The following CR1L variants were observed in gnomAD, a reference collection of about 807,000 sequenced individuals.
CR1L encodes complement C3b/C4b receptor 1 like, also known as complement component receptor 1-like protein.
In CR1L, 59 loss-of-function variants were observed where a neutral mutation model predicts 62.3. The ratio of observed to expected loss-of-function variants is 0.95; its 90% confidence interval spans 0.77 to 1.18. The LOEUF (loss-of-function observed/expected upper bound fraction) is 1.18, where lower values mean the gene tolerates loss of function less well. Ranked by LOEUF, CR1L falls within the 50% of genes most tolerant of loss-of-function variation. CR1L has a pLI of 0.00. For missense variants in CR1L, 700 were observed against 702.8 expected, an observed-to-expected ratio of 1.00 and a Z score of 0.04; for synonymous variants, 279 against 248.7, an observed-to-expected ratio of 1.12 and a Z score of -1.15.
intron 1 of CR1L, among the ~76,000 whole-genome samples, chr1:207,660,293 A>G (rs952683494): frequency 3.3e-5 from 5 of 152,222 alleles, no homozygotes; most frequent in African/African-American, 1.2e-4. Context: ...CACCTCACAC[A>G]GGTGGGTGCC....
chr1:207,649,896 G>A (rs931890189), intron 1 of CR1L, among the ~76,000 whole-genome samples: 8 of 152,180 alleles, frequency 5.3e-5, no homozygotes, highest in Admixed American at 4.6e-4. Context: ...GACCTATTTA[G>A]TTATGTCGTG....
rs568893098 is a variant in CR1L, at chr1:207,661,400, G to T, written c.98-15989G>T. Among the ~76,000 whole-genome samples, 4 of 152,216 alleles carry T rather than the reference G, an allele frequency of 2.6e-5. No individual in the cohort carries two copies. The East Asian group carries it at 7.7e-4, about 29-fold the overall frequency. On this transcript the variant is annotated intron_variant, in intron 1 of 11. Transcript: ENST00000508064. ...ATTGATCCCTTTATCATTATGTAAT[G>T]GTCTTCTTTGTCTCTTTTGTTCTTT...
rs538389180 is a variant in CR1L, at chr1:207,663,300, G to C, written c.98-14089G>C. ...AGCTGTGATGGGCTCCACCCAGTTCGAGCTTCCCGCAGCTTTGTTTACCTA... is the reference window on the plus strand; with the variant it reads ...AGCTGTGATGGGCTCCACCCAGTTCCAGCTTCCCGCAGCTTTGTTTACCTA... On this transcript the variant is annotated intron_variant, in intron 1 of 11. Coordinates refer to ENST00000508064, the MANE Select transcript of CR1L (RefSeq NM_175710.2). Among the ~76,000 whole-genome samples the C allele has an allele frequency of 7.3e-4, 111 of 152,320 alleles. 1 individual carries two copies. Among genetic ancestry groups the C allele is most frequent in the Admixed American group, 3.1e-3 (48 of 15,308 alleles).
rs769932758 is a variant in CR1L, at chr1:207,694,356, T to A, written c.467T>A (p.Ile156Asn). The change falls in exon 5 of 12, where the codon ATT (isoleucine) becomes AAT (asparagine). Residue 156 changes from isoleucine (I) to asparagine (N), a missense_variant. Ile to Asn is a moderately radical substitution (Grantham distance 149). Coordinates refer to ENST00000508064, the MANE Select transcript of CR1L (RefSeq NM_175710.2). ...WDNKTPVCDR[I>N]ICGLPPTIAN... is the part of the protein sequence containing the mutation. Reference sequence around the variant, plus strand: ...GACTGTGCTCTTCCTTTCCCAGGAATTATTTGTGGGCTACCCCCCACCATC... The same window carrying A: ...GACTGTGCTCTTCCTTTCCCAGGAAATATTTGTGGGCTACCCCCCACCATC... 161 of 1,613,896 alleles carry A rather than the reference T, an allele frequency of 1.0e-4. No homozygotes were observed. The highest frequency in any genetic ancestry group is 1.3e-4 in the Non-Finnish European group (158 of 1,179,894).
At chr1:207,669,212 GC>G (rs1663569524) in intron 1 of CR1L, 2 of 376,900 alleles carry the variant, frequency 5.3e-6, no homozygotes, top group Admixed American at 8.0e-5. Context: ...ACCTGGGTCA[GC>G]AAGGTGGGCT....
chr1:207,657,143 C>T, intron 1 of CR1L: 1 of 842,246 alleles, frequency 1.2e-6, no homozygotes. Context: ...CACATGACCT[C>T]CAAAAATAAA....
intron 1 of CR1L, chr1:207,657,426 G>A: frequency 1.7e-6 from 1 of 585,200 alleles, no homozygotes; most frequent in East Asian, 2.9e-5. Flanking sequence ...CTCCTCCTGT[G>A]TAATTGGATC....
At chr1:207,698,680 C>T (rs376850176) in intron 7 of CR1L, among the ~76,000 whole-genome samples, 68 of 152,230 alleles carry the variant, frequency 4.5e-4, no homozygotes, top group Middle Eastern at 3.4e-3. Context: ...TCCTTTTTCC[C>T]CTAGAATATT....
intron 8 of CR1L, among the ~76,000 whole-genome samples, chr1:207,700,723 A>C (rs2102472271): frequency 7.4e-6 from 1 of 134,986 alleles, no homozygotes; most frequent in South Asian, 2.8e-4. Context: ...ATTAGCACAC[A>C]TATATACATT....
intron 1 of CR1L, among the ~76,000 whole-genome samples, chr1:207,662,163 C>T (rs958479370): frequency 1.3e-5 from 2 of 152,068 alleles, no homozygotes; most frequent in Admixed American, 1.3e-4. Context: ...TTGTGGTGTT[C>T]TCTGTATTTC....
Position 207,645,197 on chromosome 1 carries a change from C to T in CR1L, c.-37C>T. On this transcript the variant is annotated 5_prime_UTR_variant, in exon 1 of 12. Transcript: ENST00000508064. ...TCGGCTGGCTTTCGGTTTCTCTGCTCACCTCCGGATAAATCACGGGGTCTC... is the reference window on the plus strand; with the variant it reads ...TCGGCTGGCTTTCGGTTTCTCTGCTTACCTCCGGATAAATCACGGGGTCTC... The T allele has an allele frequency of 1.9e-6, 3 of 1,605,834 alleles. No individual in the cohort carries two copies. Among genetic ancestry groups the T allele is most frequent in the Non-Finnish European group, 2.6e-6 (3 of 1,175,136 alleles).
intron 3 of CR1L, among the ~76,000 whole-genome samples, chr1:207,683,405 G>T (rs1348508378): frequency 6.6e-6 from 1 of 152,078 alleles, no homozygotes; most frequent in Non-Finnish European, 1.5e-5. Context: ...CAAACGTGCT[G>T]GGATTACAGG....
chr1:207,648,784 A>G (rs1663176180), intron 1 of CR1L, among the ~76,000 whole-genome samples: 1 of 152,242 alleles, frequency 6.6e-6, no homozygotes, highest in South Asian at 2.1e-4. Context: ...ACAATGCAAA[A>G]AGAGCAGTCC....
intron 1 of CR1L, among the ~76,000 whole-genome samples, chr1:207,673,877 C>G (rs1663650808): frequency 6.6e-6 from 1 of 152,162 alleles, no homozygotes. Flanking sequence ...ATTTTCATAA[C>G]AGTTTTGTTT....
At chr1:207,701,789 A>G in intron 9 of CR1L, 171 bp downstream of exon 9, 1 of 972,254 alleles carries the variant, frequency 1.0e-6, no homozygotes, top group East Asian at 2.6e-5. Context: ...TAGGGGAAAA[A>G]TCTGTGTCCT....
Position 207,645,252 on chromosome 1 carries a change from C to G in CR1L, c.19C>G (p.Leu7Val). The G allele has an allele frequency of 1.9e-6, 3 of 1,613,464 alleles. No individual in the cohort carries two copies. The highest frequency in any genetic ancestry group is 2.5e-6 in the Non-Finnish European group (3 of 1,180,014). Residue 7 changes from leucine to valine, a missense_variant, in exon 1 of 12, where the codon CTC (leucine) becomes GTC (valine). Transcript: ENST00000508064. The stretch of plus-strand genomic sequence containing the variant: ...GCCGCTCATGGCGCCTCCCGTCCGT[C>G]TCGAGCGTCCCTTTCCTTCCCGGCG... MAPPVR[L>V]ERPFPSRRFP...
intron 11 of CR1L, among the ~76,000 whole-genome samples, chr1:207,719,874 G>C (rs1478160826): frequency 6.6e-6 from 1 of 152,196 alleles, no homozygotes; most frequent in Non-Finnish European, 1.5e-5. Context: ...ACAGAATGGG[G>C]TAGCCTGGGT....
chr1:207,721,954 AT>A (rs1301407483), intron 11 of CR1L, among the ~76,000 whole-genome samples: 3 of 80,246 alleles, frequency 3.7e-5, no homozygotes, highest in Non-Finnish European at 5.3e-5. Flanking sequence ...GATGATGAGC[AT>A]TTTTTCATGT....
chr1:207,683,163 G>T (rs1483078534), intron 3 of CR1L, among the ~76,000 whole-genome samples: 1 of 146,950 alleles, frequency 6.8e-6, no homozygotes, highest in African/African-American at 2.5e-5. Context: ...TACTGACAAG[G>T]TCTTGCTTTA....
Sources: gnomAD v4.1 joint callset for allele counts (sites outside exome capture counted in the v4.1 genomes callset) on GRCh38, gnomAD v4.1.1 for gene constraint, MANE v1.5 for transcripts, NCBI Gene and HGNC (gene_info 2026-07-23, HGNC 2026-07-21) for gene names.